NXPE1: variants seen among roughly 807,000 people sequenced by gnomAD.
NXPE1 encodes the protein NXPE family member 1.
A neutral mutation model predicts 33.3 loss-of-function variants in NXPE1; 31 were observed. The observed-to-expected ratio is 0.93, with a 90% confidence interval of 0.70 to 1.26. The LOEUF is 1.26. NXPE1 is among the 50% of genes most tolerant of loss of function. The pLI is 0.00. For missense variants in NXPE1, 661 were observed against 655.6 expected, an observed-to-expected ratio of 1.01 and a Z score of -0.09; for synonymous variants, 229 against 231.4, an observed-to-expected ratio of 0.99 and a Z score of 0.09.
chr11:114,548,194 A>G (rs574159552), intron 5 of NXPE1, among the ~76,000 whole-genome samples: 2 of 152,282 alleles, frequency 1.3e-5, no homozygotes, highest in African/African-American at 4.8e-5. Context: ...CAGAAAATAT[A>G]AGAGATTCAA....
chr11:114,554,951 AC>A (rs1325152763), intron 1 of NXPE1, among the ~76,000 whole-genome samples: 4 of 152,092 alleles, frequency 2.6e-5, no homozygotes, highest in Admixed American at 2.0e-4. Context: ...TTCCTGGATG[AC>A]CTCAAGGTGC....
intron 1 of NXPE1, among the ~76,000 whole-genome samples, chr11:114,556,815 A>G (rs1591312195): frequency 6.6e-6 from 1 of 151,720 alleles, no homozygotes; most frequent in African/African-American, 2.4e-5. Context: ...TATCGTTGAT[A>G]TATCTATGTA....
chr11:114,552,513 C>A (rs76084044), intron 2 of NXPE1, among the ~76,000 whole-genome samples: 1 of 151,228 alleles, frequency 6.6e-6, no homozygotes, highest in Admixed American at 6.6e-5. Context: ...ATTTTTAGAC[C>A]AACTTCAACT....
chr11:114,542,404 C>A (rs1321159733), intron 5 of NXPE1, among the ~76,000 whole-genome samples: 5 of 152,084 alleles, frequency 3.3e-5, no homozygotes, highest in African/African-American at 1.2e-4. Flanking sequence ...CATTAAACAA[C>A]CAACATAATT....
intron 5 of NXPE1, among the ~76,000 whole-genome samples, chr11:114,541,316 G>T (rs187125519): frequency 2.1e-4 from 32 of 152,312 alleles, no homozygotes; most frequent in Admixed American, 2.0e-3. Flanking sequence ...TAACATAGAT[G>T]TTGGCCTGAT....
rs184123648 is a variant in NXPE1 at position 114,542,861 on chromosome 11, A to T, written c.99+8242T>A. ...AGCAAATAAACTAGACCCTATGAAG[A>T]CATGAATATATATGATTATAACACA... On this transcript the variant is annotated intron_variant, in intron 5 of 8. Coordinates refer to ENST00000534921, the Ensembl canonical transcript of NXPE1. 4.1e-4 allele frequency among the ~76,000 whole-genome samples: 63 copies of T among 152,368 alleles called. 1 individual carries two copies. In the East Asian group the frequency reaches 0.011, roughly 27 times the overall value.
intron 1 of NXPE1, among the ~76,000 whole-genome samples, chr11:114,557,454 AT>A (rs1565320536): frequency 6.6e-6 from 1 of 151,528 alleles, no homozygotes; most frequent in African/African-American, 2.4e-5. Context: ...AGTTCTAGAA[AT>A]ATTTATTTTA....
At chr11:114,531,225 A>G (rs1947569885) in intron 5 of NXPE1, among the ~76,000 whole-genome samples, 1 of 152,210 alleles carries the variant, frequency 6.6e-6, no homozygotes, top group African/African-American at 2.4e-5. Flanking sequence ...TTGTAGATAT[A>G]TTCAATCCAA....
At chr11:114,537,400 T>G (rs1019226635) in intron 5 of NXPE1, among the ~76,000 whole-genome samples, 7 of 152,158 alleles carry the variant, frequency 4.6e-5, no homozygotes, top group African/African-American at 1.7e-4. Flanking sequence ...TCAACACTCC[T>G]ATTCAACATA....
In NXPE1 at chr11:114,543,519, TAA is replaced by T. The variant is rs35370315; in HGVS notation, c.99+7582_99+7583del. 6.2e-3 allele frequency among the ~76,000 whole-genome samples: 918 copies of T among 146,932 alleles called. 5 individuals carry two copies. The highest frequency in any genetic ancestry group is 0.019 in the African/African-American group (766 of 40,194). On this transcript the variant is annotated intron_variant, in intron 5 of 8. Transcript: ENST00000534921. ...CTGGGGTACAGAGTGAGACCCTGTT[TAA>T]AAAAAAAAAAAATCTTTTTAGATTG...
At chr11:114,528,515 T>A (rs1027294893) in intron 6 of NXPE1, among the ~76,000 whole-genome samples, 6 of 152,364 alleles carry the variant, frequency 3.9e-5, no homozygotes, top group Admixed American at 3.9e-4. Context: ...CTGAAGATCA[T>A]AAGCTTTATG....
intron 7 of NXPE1, 95 bp downstream of exon 7, chr11:114,527,745 T>G (rs550851607): frequency 1.3e-6 from 1 of 747,340 alleles, no homozygotes; most frequent in Admixed American, 2.7e-5. Context: ...AGACATCTGC[T>G]AGGAATTGTG....
exon 6 of NXPE1, chr11:114,530,482 C>A: frequency 1.9e-6 from 3 of 1,614,186 alleles, no homozygotes; most frequent in Non-Finnish European, 2.5e-6. Context: ...GACAGGGAGA[C>A]CTGGCCCTCC....
chr11:114,519,241 G>A (rs143660521), downstream of NXPE1, among the ~76,000 whole-genome samples: 13 of 152,218 alleles, frequency 8.5e-5, no homozygotes, highest in African/African-American at 3.1e-4. Flanking sequence ...TGGCAAAAAG[G>A]TTCATTCTGT....
intron 7 of NXPE1, among the ~76,000 whole-genome samples, chr11:114,526,890 T>C (rs141281768): frequency 1.4e-3 from 209 of 152,354 alleles, no homozygotes; most frequent in African/African-American, 4.6e-3. Flanking sequence ...TATTATTTGC[T>C]TAAATCCAGC....
At chr11:114,530,653 C>G (rs1947546165) in exon 6 of NXPE1, 4 of 1,614,082 alleles carry the variant, frequency 2.5e-6, no homozygotes, top group Admixed American at 1.7e-5. Context: ...AGTAGGATGT[C>G]CAGCTGGTCT....
intron 5 of NXPE1, among the ~76,000 whole-genome samples, chr11:114,538,266 A>G (rs1947925692): frequency 6.6e-6 from 1 of 152,362 alleles, no homozygotes; most frequent in Admixed American, 6.5e-5. Context: ...TACACCTTAT[A>G]CAAAAATTAA....
chr11:114,539,690 T>C (rs1257654394), intron 5 of NXPE1, among the ~76,000 whole-genome samples: 1 of 152,156 alleles, frequency 6.6e-6, no homozygotes, highest in Non-Finnish European at 1.5e-5. Context: ...TAATCATTTA[T>C]AAAGAGGAAC....
At chr11:114,534,231 G>A (rs1947704900) in intron 5 of NXPE1, among the ~76,000 whole-genome samples, 2 of 152,186 alleles carry the variant, frequency 1.3e-5, no homozygotes, top group African/African-American at 4.8e-5. Flanking sequence ...GGTTCTGACT[G>A]TTAGAAGGAA....
Sources: gnomAD v4.1 joint callset for allele counts (sites outside exome capture counted in the v4.1 genomes callset) on GRCh38, gnomAD v4.1.1 for gene constraint, MANE v1.5 for transcripts, NCBI Gene and HGNC (gene_info 2026-07-23, HGNC 2026-07-21) for gene names.